Variants in PDZRN4 observed in about 807,000 individuals in gnomAD.
PDZRN4 encodes the protein PDZ domain-containing RING finger protein 4.
Under a neutral mutation model 99.0 loss-of-function variants are expected in PDZRN4, and 70 were observed. The observed-to-expected ratio is 0.71, with a 90% CI of 0.58 to 0.86. The LOEUF (loss-of-function observed/expected upper bound fraction) is 0.86, where lower values mean the gene tolerates loss of function less well. Among genes scored for constraint, PDZRN4 ranks in the 40% least tolerant of loss-of-function variants. The pLI, the probability that PDZRN4 is intolerant of heterozygous loss-of-function variation, is 0.00. For synonymous variants in PDZRN4, 551 were observed against 501.6 expected (o/e 1.10, Z -1.32); for missense variants, 1,474 against 1,331.2 (o/e 1.11, Z -1.67).
intron 3 of PDZRN4, among the ~76,000 whole-genome samples, chr12:41,243,734 A>G (rs1013008943): frequency 6.6e-6 from 1 of 152,154 alleles, no homozygotes; most frequent in African/African-American, 2.4e-5. Flanking sequence ...TCATTTCTCT[A>G]TGGGATAGCA....
intron 3 of PDZRN4, among the ~76,000 whole-genome samples, chr12:41,437,077 C>T (rs1216306608): frequency 6.6e-6 from 1 of 152,086 alleles, no homozygotes; most frequent in East Asian, 1.9e-4. Context: ...ATTATCTGTA[C>T]AAGTATCATC....
At chr12:41,477,614 C>CT (rs928339478) in intron 3 of PDZRN4, among the ~76,000 whole-genome samples, 1 of 152,068 alleles carries the variant, frequency 6.6e-6, no homozygotes, top group Non-Finnish European at 1.5e-5. Flanking sequence ...GCAAAAGGTT[C>CT]TTTTTACTAC....
chr12:41,466,518 C>T (rs576446789), intron 3 of PDZRN4, among the ~76,000 whole-genome samples: 33 of 152,254 alleles, frequency 2.2e-4, no homozygotes, highest in African/African-American at 7.2e-4. Context: ...CTGTCGGAGA[C>T]GTTAGATGAC....
chr12:41,302,130 G>T (rs1042295485), intron 3 of PDZRN4, among the ~76,000 whole-genome samples: 3 of 152,046 alleles, frequency 2.0e-5, no homozygotes, highest in Non-Finnish European at 2.9e-5. Context: ...ACACACATGT[G>T]TGTATATAGA....
chr12:41,199,137 T>C (rs1298610537), intron 3 of PDZRN4, among the ~76,000 whole-genome samples: 4 of 152,188 alleles, frequency 2.6e-5, no homozygotes, highest in Non-Finnish European at 4.4e-5. Flanking sequence ...TATATCTTAC[T>C]ATCTCACAAA....
At chr12:41,402,190 TACACACACACTGAGTATAC>T (rs1565573072) in intron 3 of PDZRN4, among the ~76,000 whole-genome samples, 2 of 17,406 alleles carry the variant, frequency 1.1e-4, no homozygotes, top group African/African-American at 7.5e-4. Context: ...TATATATATA[TACACACACACTGAGTATAC>T]ATATATATAC....
At chr12:41,394,955 C>A (rs765155673) in intron 3 of PDZRN4, among the ~76,000 whole-genome samples, 5 of 152,044 alleles carry the variant, frequency 3.3e-5, no homozygotes, top group African/African-American at 7.2e-5. Flanking sequence ...ATACTACAAG[C>A]AAGAAAAGGC....
intron 3 of PDZRN4, among the ~76,000 whole-genome samples, chr12:41,356,489 T>C (rs7136410): frequency 1.3e-5 from 2 of 151,962 alleles, no homozygotes; most frequent in African/African-American, 4.8e-5. Flanking sequence ...ATAGTCTACA[T>C]TGACAAGAAG....
At chr12:41,197,532 T>A (rs1950781513) in intron 3 of PDZRN4, among the ~76,000 whole-genome samples, 1 of 152,194 alleles carries the variant, frequency 6.6e-6, no homozygotes, top group African/African-American at 2.4e-5. Flanking sequence ...TGCTTGTAAA[T>A]TTTAAAAAAT....
intron 3 of PDZRN4, among the ~76,000 whole-genome samples, chr12:41,237,030 A>G (rs950899657): frequency 1.3e-5 from 2 of 152,170 alleles, no homozygotes; most frequent in African/African-American, 4.8e-5. Context: ...TAACATAAGT[A>G]ACAGATTGCA....
intron 3 of PDZRN4, among the ~76,000 whole-genome samples, chr12:41,328,814 T>G (rs1951725818): frequency 6.6e-6 from 1 of 152,144 alleles, no homozygotes; most frequent in Non-Finnish European, 1.5e-5. Context: ...GACAGACATT[T>G]AAGCATAGTT....
intron 3 of PDZRN4, among the ~76,000 whole-genome samples, chr12:41,374,569 G>A (rs1400598952): frequency 2.6e-5 from 4 of 152,124 alleles, no homozygotes; most frequent in African/African-American, 9.7e-5. Flanking sequence ...ATAGCAGTAG[G>A]TCTATAGAAA....
chr12:41,372,491 A>T (rs968385916), intron 3 of PDZRN4, among the ~76,000 whole-genome samples: 1 of 152,198 alleles, frequency 6.6e-6, no homozygotes. Context: ...TATTAAAGGA[A>T]TTTAAGTAAA....
chr12:41,221,158 C>T (rs1950952957), intron 3 of PDZRN4, among the ~76,000 whole-genome samples: 1 of 152,154 alleles, frequency 6.6e-6, no homozygotes, highest in South Asian at 2.1e-4. Context: ...TGGAGAGGGG[C>T]TACCCAGGAG....
intron 3 of PDZRN4, among the ~76,000 whole-genome samples, chr12:41,255,781 C>T (rs931480512): frequency 6.6e-6 from 1 of 152,078 alleles, no homozygotes; most frequent in Non-Finnish European, 1.5e-5. Flanking sequence ...CAGAAGGTGA[C>T]GGGGGAGTCA....
chr12:41,365,339 C>G (rs964956540), intron 3 of PDZRN4, among the ~76,000 whole-genome samples: 2 of 152,086 alleles, frequency 1.3e-5, no homozygotes, highest in South Asian at 2.1e-4. Flanking sequence ...CACATGAGCA[C>G]ATACATTGGT....
At chr12:41,472,796 A>G (rs1358777744) in intron 3 of PDZRN4, among the ~76,000 whole-genome samples, 1 of 152,226 alleles carries the variant, frequency 6.6e-6, no homozygotes, top group East Asian at 1.9e-4. Context: ...GAATAGCTAA[A>G]TAACTTTCCC....
intron 3 of PDZRN4, chr12:41,477,710 T>C (rs946213730): frequency 4.6e-6 from 3 of 658,276 alleles, no homozygotes; most frequent in Non-Finnish European, 8.1e-6. Flanking sequence ...ATGATGGTTA[T>C]TTGGTGAACA....
intron 3 of PDZRN4, among the ~76,000 whole-genome samples, chr12:41,321,736 CA>C (rs1452290477): frequency 6.6e-6 from 1 of 152,026 alleles, no homozygotes; most frequent in Non-Finnish European, 1.5e-5. Flanking sequence ...CCTTAGGAAA[CA>C]AAGACATAAT....
Sources: gnomAD v4.1 joint callset for allele counts (sites outside exome capture counted in the v4.1 genomes callset) on GRCh38, gnomAD v4.1.1 for gene constraint, MANE v1.5 for transcripts, NCBI Gene and HGNC (gene_info 2026-07-23, HGNC 2026-07-21) for gene names.